Variants in A2ML1 observed in about 807,000 individuals in gnomAD.
A2ML1 encodes alpha-2-macroglobulin-like protein 1.
In A2ML1, 161 loss-of-function variants were observed where a neutral mutation model predicts 181.9. That is an observed-to-expected ratio of 0.89 (90% confidence interval 0.78 to 1.01). The LOEUF is 1.01. Among genes scored for constraint, A2ML1 ranks in the 50% least tolerant of loss-of-function variants. The pLI is 0.00. For missense variants in A2ML1, 1,670 were observed against 1,768.1 expected, an observed-to-expected ratio of 0.94 and a Z score of 1.00; for synonymous variants, 663 against 666.8, an observed-to-expected ratio of 0.99 and a Z score of 0.09.
downstream of A2ML1, among the ~76,000 whole-genome samples, chr12:8,878,962 C>CA (rs1944841624): frequency 6.6e-6 from 1 of 151,544 alleles, no homozygotes. This position sits in a 1 kb window ranked among gnomAD's most constrained non-coding sequence, Gnocchi z 4.4. Context: ...GACCTTGTCT[C>CA]AAAAAAATAG....
At position 8,835,587 on chromosome 12, in the gene A2ML1, A is replaced by G. The variant is rs745902615; in HGVS notation, c.564A>G (p.Ala188=). The part of the protein sequence containing the change: ...QGIVDLSFQL[A]PEAMLGTYTV... ...TTGTAGACCTGTCCTTCCAACTGGC[A>G]CCAGAGGCAATGCTGGGCACCTACA... is the stretch of plus-strand genomic sequence containing the variant. The change falls in exon 6 of 36, where the codon GCA becomes GCG. Residue 188 remains alanine (A), a synonymous_variant. Transcript: ENST00000299698. 13 of 1,614,094 alleles carry G rather than the reference A, an allele frequency of 8.1e-6. No individual in the cohort carries two copies. The East Asian group carries it at 2.7e-4, about 33-fold the overall frequency.
intron 10 of A2ML1, 77 bp downstream of exon 10, chr12:8,839,299 A>G: frequency 3.1e-6 from 3 of 958,802 alleles, no homozygotes; most frequent in Non-Finnish European, 4.9e-6. Flanking sequence ...AGCCATAGCC[A>G]CATAGCTAAC....
chr12:8,884,659 GC>G (rs1350803607), intron 7 of A2ML1, among the ~76,000 whole-genome samples: 4 of 152,168 alleles, frequency 2.6e-5, no homozygotes, highest in African/African-American at 9.7e-5. Context: ...GTCTCAGGCT[GC>G]CAAGTAGCTG....
At chr12:8,856,380 T>C (rs923888373) in intron 23 of A2ML1, among the ~76,000 whole-genome samples, 16 of 152,232 alleles carry the variant, frequency 1.1e-4, no homozygotes, top group African/African-American at 2.7e-4. Context: ...GCCACATCTT[T>C]TTCTTTTGTG....
At chr12:8,839,330 T>A in intron 10 of A2ML1, 108 bp downstream of exon 10, 1 of 656,252 alleles carries the variant, frequency 1.5e-6, no homozygotes, top group Non-Finnish European at 2.6e-6. Context: ...TCCAAGTACT[T>A]TATGTGTATT....
At chr12:8,834,955 G>A (rs769707659) in intron 5 of A2ML1, 4 of 481,176 alleles carry the variant, frequency 8.3e-6, no homozygotes, top group Non-Finnish European at 1.5e-5. Flanking sequence ...GTGCCCAGAT[G>A]ACTTAACCAG....
intron 1 of A2ML1, 91 bp downstream of exon 1, chr12:8,822,804 T>C (rs1942786589): frequency 7.9e-7 from 1 of 1,264,590 alleles, no homozygotes; most frequent in South Asian, 1.3e-5. Context: ...GGAGATCAAC[T>C]TTGGTTTATC....
rs1036387688 is a variant in A2ML1 at position 8,845,857 on chromosome 12, A to T, written c.1538-220A>T. ...AGAGCGAGACTCCGTCTCAAAAAAA[A>T]AAAAAAATAAATAAAATAAAATAAA... On this transcript the variant is annotated intron_variant, in intron 13 of 35. Transcript: ENST00000299698. 1.4e-3 allele frequency among the ~76,000 whole-genome samples: 84 copies of T among 58,370 alleles called. 3 individuals are homozygous for T. The highest frequency in any genetic ancestry group is 7.7e-3 in the East Asian group (16 of 2,082). 38.3% of individuals were successfully genotyped at this position (58,370 alleles called of 152,430 possible). A position where few individuals can be genotyped will look rare whatever the true frequency, so the allele number is the denominator to read the frequency against.
At chr12:8,862,392 G>C (rs763281969) in intron 28 of A2ML1, among the ~76,000 whole-genome samples, 4 of 151,856 alleles carry the variant, frequency 2.6e-5, no homozygotes, top group Admixed American at 6.6e-5. Flanking sequence ...AGTAGAGAGG[G>C]GGTTTCACCA....
At chr12:8,862,404 G>A (rs1487807343) in intron 28 of A2ML1, among the ~76,000 whole-genome samples, 2 of 152,088 alleles carry the variant, frequency 1.3e-5, no homozygotes, top group Non-Finnish European at 2.9e-5. Context: ...GTTTCACCAT[G>A]TTGGCCAGGC....
chr12:8,842,969 G>C (rs1439478275), intron 11 of A2ML1, among the ~76,000 whole-genome samples, 165 bp from the exon 12 acceptor site: 1 of 152,138 alleles, frequency 6.6e-6, no homozygotes, highest in Middle Eastern at 3.2e-3. Flanking sequence ...TACGTTTATG[G>C]ATTCTTTATC....
chr12:8,846,364 T>A, intron 14 of A2ML1, 142 bp downstream of exon 14: 1 of 1,009,948 alleles, frequency 9.9e-7, no homozygotes, highest in African/African-American at 1.6e-5. Flanking sequence ...ATCTTTAGTG[T>A]TTGGGGTTTG....
At chr12:8,828,429 C>T (rs914312881) in intron 3 of A2ML1, among the ~76,000 whole-genome samples, 5 of 152,154 alleles carry the variant, frequency 3.3e-5, no homozygotes, top group Non-Finnish European at 5.9e-5. Context: ...AGTATTCTCT[C>T]GAGGCCCAAA....
rs748352428 is a variant in A2ML1, at chr12:8,861,248, C to T, written c.3453C>T (p.Asp1151=). The change falls in exon 28 of 36, where the codon GAC becomes GAT. Residue 1151 remains aspartate (D), a synonymous_variant. Coordinates refer to ENST00000299698, the MANE Select transcript of A2ML1 (RefSeq NM_144670.6). ...AYIFSLAGEM[D]IRNILLKQLD... is the part of the protein sequence containing the mutation. Reference sequence around the variant, plus strand: ...TTTTCTCCCTGGCTGGGGAAATGGACATCAGAAACATTCTCCTTAAACAGT... The same window carrying T: ...TTTTCTCCCTGGCTGGGGAAATGGATATCAGAAACATTCTCCTTAAACAGT... 6.2e-7 allele frequency: 1 copy of T among 1,614,114 alleles called. No homozygotes were observed.
At chr12:8,836,390 C>T (rs1447822282) in intron 7 of A2ML1, 51 bp downstream of exon 7, 2 of 1,490,704 alleles carry the variant, frequency 1.3e-6, no homozygotes, top group African/African-American at 2.8e-5. Context: ...CATCGAGAGA[C>T]ATGATGAGGG....
intron 31 of A2ML1, 75 bp from the exon 32 acceptor site, chr12:8,868,462 G>GTGTA: frequency 6.3e-7 from 1 of 1,593,338 alleles, no homozygotes; most frequent in Non-Finnish European, 8.6e-7. Context: ...GTGTACGTGT[G>GTGTA]TGTGTGTGTG....
chr12:8,854,831 G>T lies in A2ML1; in HGVS notation c.2764G>T (p.Gly922Ter), dbSNP rs759389585. The T allele has an allele frequency of 2.5e-5, 40 of 1,613,992 alleles. No homozygotes were observed. The highest frequency in any genetic ancestry group is 3.1e-5 in the Non-Finnish European group (37 of 1,180,024). Residue 922 changes from glycine (G) to a stop codon, truncating the protein, a stop_gained and splice_region_variant, in exon 22 of 36, where the codon GGA becomes TGA. Transcript: ENST00000299698. LOFTEE classifies it high-confidence loss of function. ...KTHSSLLCPK[G>*]KVASESVSLE... ...ACACAGCTCATTGCTGTGCCCAAAA[G>T]GTGGGTGGACTCAGAGCAGGATTGG...
At position 8,874,898 on chromosome 12, in the gene A2ML1, G is replaced by C. The variant is rs1944752383; in HGVS notation, c.4325-73G>C. 3.4e-6 allele frequency: 5 copies of C among 1,487,884 alleles called. No homozygotes were observed. The Admixed American group carries it at 8.6e-5, about 26-fold the overall frequency. The allele number at this position is 1,487,884 out of a possible 1,614,324, so 92.2% of individuals were successfully genotyped here. ...TTCTCTGGAAGGGGCTCAAGCAGTA[G>C]CTTTTCTGAAGCATTTTCCCTCTGA... On this transcript the variant is annotated intron_variant, in intron 34 of 35. Coordinates refer to ENST00000299698, the MANE Select transcript of A2ML1 (RefSeq NM_144670.6).
At chr12:8,863,099 T>G (rs1364634064) in intron 28 of A2ML1, among the ~76,000 whole-genome samples, 4 of 74,758 alleles carry the variant, frequency 5.4e-5, no homozygotes, top group African/African-American at 8.3e-5. Flanking sequence ...CTTAAAATGT[T>G]AAATCTTTTT....
Sources: allele counts gnomAD v4.1 joint callset (sites outside exome capture counted in the v4.1 genomes callset), GRCh38; gene constraint gnomAD v4.1.1; non-coding constraint Gnocchi (gnomAD v3.1); transcripts MANE v1.5; gene names NCBI Gene and HGNC (gene_info 2026-07-23, HGNC 2026-07-21).